The following DDX23 variants were observed in gnomAD, a reference collection of about 807,000 sequenced individuals.
DDX23 encodes the protein probable ATP-dependent RNA helicase DDX23.
Under a neutral mutation model 102.7 loss-of-function variants are expected in DDX23, and 33 were observed. That is an observed-to-expected ratio of 0.32 (90% confidence interval 0.24 to 0.43). DDX23 has a LOEUF of 0.43. Among genes scored for constraint, DDX23 ranks in the 20% least tolerant of loss-of-function variants. The pLI, the probability that DDX23 is intolerant of heterozygous loss-of-function variation, is 1.00. For missense variants in DDX23, 549 were observed against 1,086.6 expected, an observed-to-expected ratio of 0.51 and a Z score of 6.96; for synonymous variants, 352 against 376.0, an observed-to-expected ratio of 0.94 and a Z score of 0.74.
rs1339708437 is a variant in DDX23, at chr12:48,836,486, A to G, written c.1236+83T>C. On this transcript the variant is annotated intron_variant, in intron 10 of 16. Coordinates refer to ENST00000308025, the MANE Select transcript of DDX23 (RefSeq NM_004818.3). The surrounding 1 kb of genome is among the most constrained non-coding windows in gnomAD (Gnocchi z 6.1). ...GGTGCCCACTAGCAGCGATGGCTCC[A>G]AATAGTCAAGGAACAAAGTTCTCTA... 2.8e-6 allele frequency: 4 copies of G among 1,436,234 alleles called. No homozygotes were observed. The highest frequency in any genetic ancestry group is 1.4e-5 in the African/African-American group (1 of 70,914). The allele number at this position is 1,436,234 out of a possible 1,614,324, so 89.0% of individuals were successfully genotyped here.
rs1005109045 is a variant in DDX23 at position 48,832,795 on chromosome 12, C to T, written c.1804-222G>A. On this transcript the variant is annotated intron_variant, in intron 13 of 16. Coordinates refer to ENST00000308025, the MANE Select transcript of DDX23 (RefSeq NM_004818.3). This position sits in a 1 kb window ranked among gnomAD's most constrained non-coding sequence, Gnocchi z 4.4. ...TTATGATGACAGGAAGGATTGAGAGCATTTGCTAGCACCTGTGGTCCCGGT... is the reference window on the plus strand; with the variant it reads ...TTATGATGACAGGAAGGATTGAGAGTATTTGCTAGCACCTGTGGTCCCGGT... 2 of 598,292 alleles carry T rather than the reference C, an allele frequency of 3.3e-6. No homozygotes were observed. Among genetic ancestry groups the T allele is most frequent in the African/African-American group, 3.7e-5 (2 of 53,990 alleles). The allele number at this position is 598,292 out of a possible 1,614,324, so 37.1% of individuals were successfully genotyped here.
intron 3 of DDX23, among the ~76,000 whole-genome samples, chr12:48,841,895 G>C (rs553736226): frequency 1.6e-3 from 238 of 152,202 alleles, no homozygotes; most frequent in Middle Eastern, 3.4e-3. Flanking sequence ...CATCTAGGAA[G>C]TGAGGAGCGT....
At chr12:48,831,978 A>G in intron 15 of DDX23, 100 bp downstream of exon 15, 1 of 1,134,344 alleles carries the variant, frequency 8.8e-7, no homozygotes, top group African/African-American at 1.5e-5. Context: ...GGACAGGCTA[A>G]AGAAAGGGTG....
chr12:48,830,448 G>C lies in DDX23; in HGVS notation c.*21C>G. 1 of 1,613,506 alleles carries C rather than the reference G, an allele frequency of 6.2e-7. No homozygotes were observed. Among genetic ancestry groups the C allele is most frequent in the Non-Finnish European group, 8.5e-7 (1 of 1,179,518 alleles). ...TCAGGCAGCTTTGGAGATGCCCTCA[G>C]CCCACAGGAAGAGTGCTGTGTCAGG... On this transcript the variant is annotated 3_prime_UTR_variant, in exon 17 of 17. Transcript: ENST00000308025. The surrounding 1 kb of genome is among the most constrained non-coding windows in gnomAD (Gnocchi z 4.9).
chr12:48,842,514 C>CT (rs1286270543), intron 3 of DDX23, among the ~76,000 whole-genome samples: 2 of 139,314 alleles, frequency 1.4e-5, no homozygotes, highest in East Asian at 2.1e-4. Context: ...GTCAGCCCCC[C>CT]GCCCGGCCAG....
intron 2 of DDX23, among the ~76,000 whole-genome samples, 176 bp downstream of exon 2, chr12:48,845,398 T>C (rs1046366862): frequency 8.5e-5 from 13 of 152,228 alleles, no homozygotes; most frequent in Middle Eastern, 3.4e-3. Flanking sequence ...GAGCTTGCAG[T>C]GAGCTGAGAT....
At chr12:48,844,078 C>T in intron 2 of DDX23, 28 bp from the exon 3 acceptor site, 2 of 1,609,592 alleles carry the variant, frequency 1.2e-6, no homozygotes, top group Non-Finnish European at 8.5e-7. Flanking sequence ...TAAGAGTTCA[C>T]TTGGTATTTC....
At position 48,836,487 on chromosome 12, in the gene DDX23, A is replaced by G; in HGVS notation, c.1236+82T>C. The G allele has an allele frequency of 6.9e-7, 1 of 1,439,202 alleles. No homozygotes were observed. The highest frequency in any genetic ancestry group is 9.6e-7 in the Non-Finnish European group (1 of 1,037,742). The allele number at this position is 1,439,202 out of a possible 1,614,324, so 89.2% of individuals were successfully genotyped here. On this transcript the variant is annotated intron_variant, in intron 10 of 16. Coordinates refer to ENST00000308025, the MANE Select transcript of DDX23 (RefSeq NM_004818.3). This position sits in a 1 kb window ranked among gnomAD's most constrained non-coding sequence, Gnocchi z 6.1. ...GTGCCCACTAGCAGCGATGGCTCCA[A>G]ATAGTCAAGGAACAAAGTTCTCTAT...
At chr12:48,848,432 A>T (rs1338085115) in intron 1 of DDX23, among the ~76,000 whole-genome samples, 1 of 152,230 alleles carries the variant, frequency 6.6e-6, no homozygotes, top group Non-Finnish European at 1.5e-5. Flanking sequence ...GGGTAGGGGT[A>T]TAACAAGAGA....
chr12:48,835,808 C>T (rs1938461269), intron 11 of DDX23, among the ~76,000 whole-genome samples: 1 of 151,986 alleles, frequency 6.6e-6, no homozygotes, highest in Admixed American at 6.6e-5. Flanking sequence ...GGAGAATCAC[C>T]TGAACCTGGG....
chr12:48,841,460 T>A (rs892013467), intron 3 of DDX23, among the ~76,000 whole-genome samples: 2 of 151,798 alleles, frequency 1.3e-5, no homozygotes, highest in Non-Finnish European at 2.9e-5. Flanking sequence ...CTCTCCCCTC[T>A]CCCCACGGTC....
intron 3 of DDX23, among the ~76,000 whole-genome samples, chr12:48,842,844 G>A (rs1938591574): frequency 6.6e-6 from 1 of 152,226 alleles, no homozygotes; most frequent in Non-Finnish European, 1.5e-5. Context: ...TGGCGGTTTT[G>A]TGGAATAGAA....
intron 1 of DDX23, among the ~76,000 whole-genome samples, chr12:48,849,048 C>T (rs1475654752): frequency 6.6e-6 from 1 of 152,040 alleles, no homozygotes; most frequent in Non-Finnish European, 1.5e-5. Context: ...CCATGCCCGG[C>T]CCCAACTAAT....
Position 48,832,780 on chromosome 12 carries a change from A to G in DDX23, c.1804-207T>C. ...AAGGCACTTTCCATCTTATGATGAC[A>G]GGAAGGATTGAGAGCATTTGCTAGC... is the stretch of plus-strand genomic sequence containing the variant. On this transcript the variant is annotated intron_variant, in intron 13 of 16. Transcript: ENST00000308025. This position sits in a 1 kb window ranked among gnomAD's most constrained non-coding sequence, Gnocchi z 4.4. The G allele has an allele frequency of 3.1e-6, 2 of 643,370 alleles. No homozygotes were observed. The highest frequency in any genetic ancestry group is 2.2e-5 in the South Asian group (1 of 46,126). The allele number at this position is 643,370 out of a possible 1,614,324, so 39.9% of individuals were successfully genotyped here. A position where few individuals can be genotyped will look rare whatever the true frequency, so the allele number is the denominator to read the frequency against.
At chr12:48,845,946 G>A (rs1485887945) in intron 1 of DDX23, among the ~76,000 whole-genome samples, 164 bp from the exon 2 acceptor site, 2 of 152,200 alleles carry the variant, frequency 1.3e-5, no homozygotes, top group Non-Finnish European at 2.9e-5. Flanking sequence ...ACTTGTCTGA[G>A]GGCAGACAGG....
In DDX23 at chr12:48,832,225, C is replaced by T. The variant is rs954910211; in HGVS notation, c.1956-39G>A. ...GAGAAAAACAAGATGCATAATACCT[C>T]CCACTCCAAGTGAAATGCCCAACCC... On this transcript the variant is annotated intron_variant, in intron 14 of 16. Coordinates refer to ENST00000308025, the MANE Select transcript of DDX23 (RefSeq NM_004818.3). The surrounding 1 kb of genome is among the most constrained non-coding windows in gnomAD (Gnocchi z 4.4). 6.2e-7 allele frequency: 1 copy of T among 1,605,750 alleles called. No individual in the cohort carries two copies. Among genetic ancestry groups the T allele is most frequent in the African/African-American group, 1.3e-5 (1 of 74,732 alleles).
chr12:48,829,876 C>G lies in DDX23; in HGVS notation c.*593G>C, dbSNP rs1358162329. The G allele has an allele frequency of 3.9e-6, 1 of 256,858 alleles. No individual in the cohort carries two copies. The highest frequency in any genetic ancestry group is 7.6e-6 in the Non-Finnish European group (1 of 130,954). The allele number at this position is 256,858 out of a possible 1,614,324, so 15.9% of individuals were successfully genotyped here. A position where few individuals can be genotyped will look rare whatever the true frequency, so the allele number is the denominator to read the frequency against. ...ACACAGCCAGTTCACCGTGTCCCCC[C>G]ATCTACTTAGAAAATCCCCTGGGGG... On this transcript the variant is annotated 3_prime_UTR_variant, in exon 17 of 17. Transcript: ENST00000308025.
At chr12:48,847,293 G>T (rs1420226412) in intron 1 of DDX23, 1 of 152,208 alleles carries the variant, frequency 6.6e-6, no homozygotes, top group African/African-American at 2.4e-5. Flanking sequence ...AAAGCGGGCA[G>T]ATCATGAGGT....
intron 1 of DDX23, among the ~76,000 whole-genome samples, chr12:48,848,215 G>C (rs1938699493): frequency 6.6e-6 from 1 of 152,078 alleles, no homozygotes; most frequent in Non-Finnish European, 1.5e-5. Context: ...GAACCCGGGA[G>C]GCAGAGCTTG....
Sources: allele counts gnomAD v4.1 joint callset (sites outside exome capture counted in the v4.1 genomes callset), GRCh38; gene constraint gnomAD v4.1.1; non-coding constraint Gnocchi (gnomAD v3.1); transcripts MANE v1.5; gene names NCBI Gene and HGNC (gene_info 2026-07-23, HGNC 2026-07-21).